Variants in PCDHA12 observed in about 807,000 individuals in gnomAD.
PCDHA12 encodes the protein protocadherin alpha 12.
PCDHA12 carries 44 observed loss-of-function variants against 60.0 expected under a neutral mutation model. The observed-to-expected ratio is 0.73, with a 90% CI of 0.58 to 0.94. The LOEUF is 0.94. PCDHA12 is among the 40% of genes least tolerant of loss of function. The pLI, the probability that PCDHA12 is intolerant of heterozygous loss-of-function variation, is 0.00. For missense variants in PCDHA12, 1,276 were observed against 1,239.7 expected (o/e 1.03, Z -0.44); for synonymous variants, 569 against 553.0 (o/e 1.03, Z -0.40).
chr5:140,899,230 G>A (rs1487839667), intron 1 of PCDHA12, among the ~76,000 whole-genome samples: 4 of 152,058 alleles, frequency 2.6e-5, no homozygotes, highest in Admixed American at 6.5e-5. Flanking sequence ...ACACTATGTT[G>A]AATAGGAGTG....
intron 1 of PCDHA12, among the ~76,000 whole-genome samples, chr5:140,977,523 C>G (rs1393138256): frequency 2.0e-5 from 3 of 152,070 alleles, no homozygotes; most frequent in African/African-American, 7.2e-5. Flanking sequence ...AACTTGAAAA[C>G]AAAGGAGGAA....
chr5:140,962,080 T>A (rs1226617177), intron 1 of PCDHA12, among the ~76,000 whole-genome samples: 1 of 151,756 alleles, frequency 6.6e-6, no homozygotes, highest in Non-Finnish European at 1.5e-5. Context: ...AGAGACGGGG[T>A]TTCACCATGT....
intron 1 of PCDHA12, among the ~76,000 whole-genome samples, chr5:140,898,820 G>A (rs1303151513): frequency 6.6e-6 from 1 of 152,208 alleles, no homozygotes; most frequent in Admixed American, 6.5e-5. Context: ...TCCTACCCAT[G>A]AGCATGGAAT....
intron 1 of PCDHA12, chr5:140,883,195 T>G (rs781816525): frequency 6.2e-7 from 1 of 1,613,904 alleles, no homozygotes; most frequent in Non-Finnish European, 8.5e-7. Flanking sequence ...GCAAACTAGA[T>G]TTCGAAGAAA....
chr5:140,930,892 TTTAAC>T, intron 1 of PCDHA12, among the ~76,000 whole-genome samples: 1 of 152,332 alleles, frequency 6.6e-6, no homozygotes, highest in African/African-American at 2.4e-5. Context: ...AGGGAAAAAC[TTTAAC>T]TTACTTTTCT....
At chr5:140,963,421 T>C (rs1554226598) in intron 1 of PCDHA12, among the ~76,000 whole-genome samples, 2 of 152,252 alleles carry the variant, frequency 1.3e-5, no homozygotes, top group African/African-American at 4.8e-5. Flanking sequence ...ACAGCATGTT[T>C]AGGAACTAAC....
chr5:140,883,859 T>C (rs1554180306), intron 1 of PCDHA12: 12 of 1,613,116 alleles, frequency 7.4e-6, no homozygotes, highest in East Asian at 2.2e-5. Context: ...GCTGGAGCTG[T>C]TGCAGTTCCA....
chr5:140,947,270 T>C (rs1230948656), intron 1 of PCDHA12, among the ~76,000 whole-genome samples: 1 of 151,546 alleles, frequency 6.6e-6, no homozygotes, highest in Non-Finnish European at 1.5e-5. Context: ...TTGTTGAAAA[T>C]ACTTTTTCTT....
At chr5:140,911,709 G>A (rs1029382331) in intron 1 of PCDHA12, among the ~76,000 whole-genome samples, 1 of 151,822 alleles carries the variant, frequency 6.6e-6, no homozygotes, top group Non-Finnish European at 1.5e-5. Context: ...AATTTATTTT[G>A]TGTAACTCTG....
At chr5:140,882,675 G>A in intron 1 of PCDHA12, 1 of 1,614,218 alleles carries the variant, frequency 6.2e-7, no homozygotes, top group Non-Finnish European at 8.5e-7. Context: ...TTCCCTGAAA[G>A]CAAGAAACGA....
intron 1 of PCDHA12, among the ~76,000 whole-genome samples, chr5:140,924,409 T>C (rs1554201915): frequency 6.6e-6 from 1 of 152,186 alleles, no homozygotes; most frequent in Non-Finnish European, 1.5e-5. Flanking sequence ...TATATCACAG[T>C]GTGCCCTTTC....
intron 1 of PCDHA12, chr5:140,926,324 G>A (rs574950381): frequency 6.6e-6 from 1 of 152,268 alleles, no homozygotes; most frequent in Non-Finnish European, 1.5e-5. Flanking sequence ...GTGCGCCGGG[G>A]TCAGAGCGCC....
At position 140,980,488 on chromosome 5, in the gene PCDHA12, G is replaced by A. The variant is rs372283383; in HGVS notation, c.2426+1481G>A. Among the ~76,000 whole-genome samples, 12 of 152,250 alleles carry A rather than the reference G, an allele frequency of 7.9e-5. No individual in the cohort carries two copies. The East Asian group carries it at 1.9e-3, about 25-fold the overall frequency. Reference sequence around the variant, plus strand: ...CTACTAAAAATACAAAAATTAGCTGGGCGTGATGGCATGTGCCTGTAGTTC... The same window carrying A: ...CTACTAAAAATACAAAAATTAGCTGAGCGTGATGGCATGTGCCTGTAGTTC... On this transcript the variant is annotated intron_variant, in intron 2 of 3. Transcript: ENST00000398631.
rs1554262648 is a variant in PCDHA12, at chr5:141,010,047, A to G, written c.*110A>G. On this transcript the variant is annotated 3_prime_UTR_variant, in exon 4 of 4. Coordinates refer to ENST00000398631, the MANE Select transcript of PCDHA12 (RefSeq NM_018903.4). The stretch of plus-strand genomic sequence containing the variant: ...CCTATCTACATGAGCCCTCTTAGAG[A>G]CCTCAGAAATCTGCAGAAAGTTCCC... 1.9e-6 allele frequency: 3 copies of G among 1,595,144 alleles called. No homozygotes were observed. The highest frequency in any genetic ancestry group is 1.7e-6 in the Non-Finnish European group (2 of 1,171,458).
Position 140,876,225 on chromosome 5 carries a change from G to C in PCDHA12, c.753G>C (p.Leu251Phe). 1.2e-6 allele frequency: 2 copies of C among 1,613,982 alleles called. No homozygotes were observed. The highest frequency in any genetic ancestry group is 1.7e-6 in the Non-Finnish European group (2 of 1,179,890). The change falls in exon 1 of 4, where the codon TTG becomes TTC. Residue 251 changes from leucine to phenylalanine, a missense_variant. Transcript: ENST00000398631. ...ATAAGCCCAGCTATAAAGTAGTGTT[G>C]TCTGAAAATGTCCAAAACGACACAA... ...AFDKPSYKVV[L>F]SENVQNDTRV... is the part of the protein sequence containing the mutation.
intron 1 of PCDHA12, among the ~76,000 whole-genome samples, chr5:140,894,553 T>G (rs2064537673): frequency 6.6e-6 from 1 of 152,008 alleles, no homozygotes; most frequent in South Asian, 2.1e-4. Flanking sequence ...TGTTTACTTC[T>G]GAAAAAATTA....
intron 1 of PCDHA12, among the ~76,000 whole-genome samples, chr5:140,922,186 G>A (rs2080700999): frequency 6.6e-6 from 1 of 151,230 alleles, no homozygotes; most frequent in South Asian, 2.1e-4. Context: ...CAAAAAAAAA[G>A]TCTTATCTTT....
chr5:140,927,037 G>T lies in PCDHA12; in HGVS notation c.2367+49198G>T, dbSNP rs782765718. On this transcript the variant is annotated intron_variant, in intron 1 of 3. Coordinates refer to ENST00000398631, the MANE Select transcript of PCDHA12 (RefSeq NM_018903.4). ...CGCGGACTTGAGGCTGCCAGCGGCC[G>T]CTATGTCCTCGCGGAACTTTCGCTT... The T allele has an allele frequency of 3.7e-6, 6 of 1,612,000 alleles. No homozygotes were observed. The Admixed American group carries it at 6.7e-5, about 18-fold the overall frequency.
intron 1 of PCDHA12, among the ~76,000 whole-genome samples, chr5:140,937,239 G>C (rs1331547271): frequency 2.0e-5 from 3 of 151,804 alleles, no homozygotes; most frequent in African/African-American, 7.3e-5. Context: ...GGGTTTCACC[G>C]TGTTAGCCAG....
Sources: allele counts gnomAD v4.1 joint callset (sites outside exome capture counted in the v4.1 genomes callset), GRCh38; gene constraint gnomAD v4.1.1; transcripts MANE v1.5; gene names NCBI Gene and HGNC (gene_info 2026-07-23, HGNC 2026-07-21).